The following CALN1 variants were observed in gnomAD, a reference collection of about 807,000 sequenced individuals.
CALN1 encodes calcium-binding protein 8.
Under a neutral mutation model 30.6 loss-of-function variants are expected in CALN1, and 17 were observed. The observed-to-expected ratio is 0.56, with a 90% CI of 0.38 to 0.83. CALN1 has a LOEUF of 0.83. Ranked by LOEUF, CALN1 falls within the 40% of genes least tolerant of loss-of-function variation. The pLI is 0.00. For missense variants in CALN1, 291 were observed against 354.9 expected, an observed-to-expected ratio of 0.82 and a Z score of 1.45; for synonymous variants, 156 against 131.4, an observed-to-expected ratio of 1.19 and a Z score of -1.28.
chr7:72,217,068 G>A (rs1792877317), intron 3 of CALN1, among the ~76,000 whole-genome samples: 1 of 152,132 alleles, frequency 6.6e-6, no homozygotes, highest in Non-Finnish European at 1.5e-5. Flanking sequence ...GTGTGAATGT[G>A]ACAAGATGTT....
chr7:72,228,062 G>A (rs2129550383), intron 3 of CALN1, among the ~76,000 whole-genome samples: 1 of 152,096 alleles, frequency 6.6e-6, no homozygotes, highest in South Asian at 2.1e-4. Context: ...TGGGAATACT[G>A]AACCAAGTGC....
chr7:72,305,084 C>A (rs1164791063), intron 2 of CALN1, among the ~76,000 whole-genome samples: 1 of 152,194 alleles, frequency 6.6e-6, no homozygotes, highest in South Asian at 2.1e-4. Flanking sequence ...CCAAAGAGAG[C>A]CTGGGTTGGA....
Position 71,782,667 on chromosome 7 carries a change from GCC to G in CALN1, c.*5106_*5107del. ...ATGGAGACTGGGTCGGTAAGAGGCAGCCCAAATTCTCCTCTATGTTGCTGTCA... is the reference window on the plus strand; with the variant it reads ...ATGGAGACTGGGTCGGTAAGAGGCAGCAAATTCTCCTCTATGTTGCTGTCA... On this transcript the variant is annotated 3_prime_UTR_variant, in exon 7 of 7. Transcript: ENST00000395275. 6.6e-6 allele frequency: 1 copy of G among 152,186 alleles called. No individual in the cohort carries two copies. Among genetic ancestry groups the G allele is most frequent in the Non-Finnish European group, 1.5e-5 (1 of 68,034 alleles). 9.4% of individuals were successfully genotyped at this position (152,186 alleles called of 1,614,324 possible).
chr7:71,827,544 G>T (rs1232763620), intron 5 of CALN1, among the ~76,000 whole-genome samples: 1 of 152,088 alleles, frequency 6.6e-6, no homozygotes, highest in African/African-American at 2.4e-5. Context: ...GCCGAGGTGG[G>T]CAGATCACTG....
intron 2 of CALN1, chr7:72,336,781 C>A: frequency 1.0e-6 from 1 of 985,138 alleles, no homozygotes; most frequent in South Asian, 4.7e-5. Context: ...CCGAGGCCCG[C>A]AGGGAGGGGG....
At chr7:72,069,148 C>T (rs538230177) in intron 4 of CALN1, among the ~76,000 whole-genome samples, 48 of 152,252 alleles carry the variant, frequency 3.2e-4, no homozygotes, top group African/African-American at 1.1e-3. Flanking sequence ...TGGCTGGAGA[C>T]GTCCGTGCGG....
At chr7:72,092,221 T>C (rs1256896651) in intron 4 of CALN1, among the ~76,000 whole-genome samples, 1 of 152,228 alleles carries the variant, frequency 6.6e-6, no homozygotes, top group Non-Finnish European at 1.5e-5. Context: ...TTTTAATTTT[T>C]AAATTTCCAA....
At chr7:72,061,814 A>G (rs577886002) in intron 4 of CALN1, among the ~76,000 whole-genome samples, 3,646 of 150,484 alleles carry the variant, frequency 0.024, 80 homozygotes, top group Non-Finnish European at 0.039. Flanking sequence ...AAAAAAAAAA[A>G]AAAAGAAATA....
At chr7:72,273,188 C>G (rs1286565597) in intron 3 of CALN1, among the ~76,000 whole-genome samples, 1 of 152,114 alleles carries the variant, frequency 6.6e-6, no homozygotes, top group Non-Finnish European at 1.5e-5. Context: ...AATCCCAACA[C>G]TTTGGGAGGC....
At chr7:72,174,426 T>G (rs571316351) in intron 3 of CALN1, among the ~76,000 whole-genome samples, 1 of 152,346 alleles carries the variant, frequency 6.6e-6, no homozygotes, top group East Asian at 1.9e-4. Flanking sequence ...CAGGAAGATT[T>G]GTATAAAAAC....
chr7:72,478,815 T>A, the CALN1 span, among the ~76,000 whole-genome samples: 1 of 151,908 alleles, frequency 6.6e-6, no homozygotes, highest in Non-Finnish European at 1.5e-5. Flanking sequence ...GTAGTTTTAA[T>A]TTGCGTGTCC....
chr7:71,884,526 G>C (rs1421268437), intron 5 of CALN1, among the ~76,000 whole-genome samples: 1 of 152,024 alleles, frequency 6.6e-6, no homozygotes, highest in Non-Finnish European at 1.5e-5. Flanking sequence ...GGGCCAGATC[G>C]ATCTCTCGGT....
At chr7:72,243,831 C>T (rs1420550424) in intron 3 of CALN1, among the ~76,000 whole-genome samples, 2 of 152,198 alleles carry the variant, frequency 1.3e-5, no homozygotes, top group Non-Finnish European at 2.9e-5. Flanking sequence ...AACTAAAGTC[C>T]AGAGACAAAG....
At chr7:71,863,557 CAAAAAAAAAA>C (rs71531769) in intron 5 of CALN1, among the ~76,000 whole-genome samples, 14 of 32,208 alleles carry the variant, frequency 4.3e-4, no homozygotes, top group East Asian at 1.6e-3. Context: ...AACTCCATCT[CAAAAAAAAAA>C]AAAAAAAAAA....
the CALN1 span, among the ~76,000 whole-genome samples, chr7:72,500,110 C>T: frequency 1.3e-5 from 2 of 149,204 alleles, no homozygotes; most frequent in African/African-American, 2.5e-5. Flanking sequence ...GAGGGTTTCA[C>T]CATGTTGGCC....
chr7:72,430,583 G>A (rs1203291282), intron 1 of CALN1, among the ~76,000 whole-genome samples: 1 of 152,088 alleles, frequency 6.6e-6, no homozygotes, highest in Non-Finnish European at 1.5e-5. Flanking sequence ...TTCCCCTCAA[G>A]GGGCTTCTCA....
At chr7:72,202,085 G>A (rs1448030145) in intron 3 of CALN1, among the ~76,000 whole-genome samples, 1 of 152,196 alleles carries the variant, frequency 6.6e-6, no homozygotes, top group Non-Finnish European at 1.5e-5. Flanking sequence ...TCTATAGTGA[G>A]AGAGCCTCCT....
intron 2 of CALN1, among the ~76,000 whole-genome samples, chr7:72,357,917 G>GC (rs1176300507): frequency 6.7e-6 from 1 of 149,760 alleles, no homozygotes; most frequent in Non-Finnish European, 1.5e-5. Context: ...GGATTCTCTT[G>GC]CATCAGCCTC....
At chr7:72,378,849 T>A (rs929700575) in intron 2 of CALN1, among the ~76,000 whole-genome samples, 2 of 152,174 alleles carry the variant, frequency 1.3e-5, no homozygotes, top group African/African-American at 2.4e-5. Context: ...ATTACAGGCA[T>A]GAGCCACTGC....
Sources: allele counts gnomAD v4.1 joint callset (sites outside exome capture counted in the v4.1 genomes callset), GRCh38; gene constraint gnomAD v4.1.1; transcripts MANE v1.5; gene names NCBI Gene and HGNC (gene_info 2026-07-23, HGNC 2026-07-21).